Variants in ARHGAP24 observed in about 807,000 individuals in gnomAD.
ARHGAP24 encodes the protein rho GTPase-activating protein 24.
In ARHGAP24, 50 loss-of-function variants were observed where a neutral mutation model predicts 76.4. The observed-to-expected ratio is 0.65, with a 90% CI of 0.52 to 0.83. ARHGAP24 has a LOEUF of 0.83. Among genes scored for constraint, ARHGAP24 ranks in the 40% least tolerant of loss-of-function variants. The probability of loss-of-function intolerance (pLI) is 0.00; values close to 1 mark genes in which losing one functional copy is unlikely to be tolerated. For missense variants in ARHGAP24, 930 were observed against 914.2 expected, an observed-to-expected ratio of 1.02 and a Z score of -0.22; for synonymous variants, 345 against 323.3, an observed-to-expected ratio of 1.07 and a Z score of -0.72.
chr4:85,604,214 T>G (rs914817901), intron 2 of ARHGAP24: 1 of 152,230 alleles, frequency 6.6e-6, no homozygotes, highest in Non-Finnish European at 1.5e-5. Flanking sequence ...TGTTCCCCTC[T>G]GCATGTTGAA....
chr4:85,498,700 C>A (rs1723678994), intron 1 of ARHGAP24, among the ~76,000 whole-genome samples: 1 of 152,136 alleles, frequency 6.6e-6, no homozygotes, highest in Non-Finnish European at 1.5e-5. Flanking sequence ...GGAATTGATC[C>A]CAGGAATCTA....
intron 3 of ARHGAP24, among the ~76,000 whole-genome samples, chr4:85,824,009 G>C (rs1729595336): frequency 6.6e-6 from 1 of 151,824 alleles, no homozygotes; most frequent in Non-Finnish European, 1.5e-5. Flanking sequence ...TTCCCATCTA[G>C]AAAAATATTA....
intron 3 of ARHGAP24, among the ~76,000 whole-genome samples, chr4:85,827,408 T>C (rs892073893): frequency 1.3e-5 from 2 of 150,626 alleles, no homozygotes; most frequent in African/African-American, 4.9e-5. Context: ...TAAACAACTT[T>C]TGGGCTTGAG....
chr4:85,508,205 A>G (rs1356683766), intron 1 of ARHGAP24, among the ~76,000 whole-genome samples: 1 of 152,204 alleles, frequency 6.6e-6, no homozygotes, highest in South Asian at 2.1e-4. Context: ...TCCAATGTAA[A>G]GCAGATAGAG....
In ARHGAP24 at chr4:85,796,902, T is replaced by C. The variant is rs73833881; in HGVS notation, c.268+74930T>C. ...CCCTCCAGAGTGCCAGAAAAATTCA[T>C]GTGGAGGTATCTCACTAGAGGACTC... is the stretch of plus-strand genomic sequence containing the variant. On this transcript the variant is annotated intron_variant, in intron 3 of 9. Coordinates refer to ENST00000395184, the MANE Select transcript of ARHGAP24 (RefSeq NM_001025616.3). Among the ~76,000 whole-genome samples, 408 of 152,184 alleles carry C rather than the reference T, an allele frequency of 2.7e-3. 4 individuals are homozygous for C. The highest frequency in any genetic ancestry group is 8.9e-3 in the African/African-American group (371 of 41,522).
chr4:85,725,874 G>T (rs565613878), intron 3 of ARHGAP24, among the ~76,000 whole-genome samples: 1 of 152,278 alleles, frequency 6.6e-6, no homozygotes, highest in African/African-American at 2.4e-5. Flanking sequence ...TTCTCCAGGG[G>T]TTATCAGCTT....
intron 1 of ARHGAP24, among the ~76,000 whole-genome samples, chr4:85,547,306 G>T (rs1183768488): frequency 6.6e-6 from 1 of 152,068 alleles, no homozygotes. Context: ...ATGTCCCTCA[G>T]TTTTATTTGT....
chr4:85,748,147 A>C (rs930733707), intron 3 of ARHGAP24, among the ~76,000 whole-genome samples: 1 of 152,218 alleles, frequency 6.6e-6, no homozygotes. Context: ...GAAAGACTTC[A>C]AGTGCTTTTG....
rs74664451 is a variant in ARHGAP24, at chr4:85,871,376, A to C, written c.269-52272A>C. Among the ~76,000 whole-genome samples, 824 of 152,340 alleles carry C rather than the reference A, an allele frequency of 5.4e-3. 4 individuals carry two copies. Among genetic ancestry groups the C allele is most frequent in the Non-Finnish European group, 8.5e-3 (578 of 68,018 alleles). On this transcript the variant is annotated intron_variant, in intron 3 of 9. Coordinates refer to ENST00000395184, the MANE Select transcript of ARHGAP24 (RefSeq NM_001025616.3). ...AGATCCAGAAATATAACAATTTGTT[A>C]TTTATAAAATGCCCAATACACCTTC...
intron 2 of ARHGAP24, among the ~76,000 whole-genome samples, chr4:85,583,029 A>G (rs1017657210): frequency 6.6e-6 from 1 of 152,096 alleles, no homozygotes; most frequent in Non-Finnish European, 1.5e-5. Context: ...TGCATTCCAC[A>G]CAGCTGATAC....
chr4:85,726,341 A>G (rs536369945), intron 3 of ARHGAP24, among the ~76,000 whole-genome samples: 3 of 152,288 alleles, frequency 2.0e-5, no homozygotes, highest in South Asian at 2.1e-4. Context: ...ACGCTGATGG[A>G]GAATGACATT....
chr4:85,934,019 T>C (rs928810704), intron 4 of ARHGAP24, among the ~76,000 whole-genome samples: 3 of 152,354 alleles, frequency 2.0e-5, no homozygotes, highest in Middle Eastern at 3.4e-3. Context: ...TTGCTCCATG[T>C]ATGCAACTTA....
chr4:85,804,160 T>C (rs1203347166), intron 3 of ARHGAP24, among the ~76,000 whole-genome samples: 5 of 152,140 alleles, frequency 3.3e-5, no homozygotes, highest in Admixed American at 6.5e-5. Flanking sequence ...GGATTGCAGA[T>C]ACAATTAGAT....
intron 3 of ARHGAP24, among the ~76,000 whole-genome samples, chr4:85,907,854 G>A (rs950698928): frequency 4.6e-5 from 7 of 152,052 alleles, no homozygotes; most frequent in Non-Finnish European, 7.4e-5. Context: ...CCTGTATTGC[G>A]GATCCTCTAA....
chr4:85,480,864 G>A (rs923472313), intron 1 of ARHGAP24, among the ~76,000 whole-genome samples: 3 of 152,118 alleles, frequency 2.0e-5, no homozygotes, highest in Non-Finnish European at 2.9e-5. Context: ...GCTGAGAAGG[G>A]TAAGAGAAAA....
intron 1 of ARHGAP24, among the ~76,000 whole-genome samples, chr4:85,476,029 T>C (rs1301310953): frequency 6.8e-6 from 1 of 147,300 alleles, no homozygotes; most frequent in East Asian, 2.0e-4. Flanking sequence ...ATATATTTTA[T>C]ATGTATAAAA....
At chr4:85,737,095 C>T (rs1560608848) in intron 3 of ARHGAP24, among the ~76,000 whole-genome samples, 1 of 152,050 alleles carries the variant, frequency 6.6e-6, no homozygotes, top group African/African-American at 2.4e-5. Context: ...TTCACCAGCA[C>T]ACAGCTGGTG....
At chr4:85,904,355 A>G (rs986173594) in intron 3 of ARHGAP24, among the ~76,000 whole-genome samples, 3 of 151,846 alleles carry the variant, frequency 2.0e-5, no homozygotes, top group Non-Finnish European at 2.9e-5. Context: ...AAATAACTAC[A>G]TTTTTCTTTT....
intron 2 of ARHGAP24, among the ~76,000 whole-genome samples, chr4:85,721,053 A>G (rs140397372): frequency 1.8e-4 from 28 of 152,310 alleles, no homozygotes; most frequent in African/African-American, 6.0e-4. Flanking sequence ...ACTTTTAAGT[A>G]TATCTCAGCA....
Sources: gnomAD v4.1 joint callset for allele counts (sites outside exome capture counted in the v4.1 genomes callset) on GRCh38, gnomAD v4.1.1 for gene constraint, MANE v1.5 for transcripts, NCBI Gene and HGNC (gene_info 2026-07-23, HGNC 2026-07-21) for gene names.